KLHL24: variants seen among roughly 807,000 people sequenced by gnomAD.
KLHL24 encodes the protein kelch-like protein 24.
KLHL24 carries 29 observed loss-of-function variants against 53.4 expected under a neutral mutation model. The observed-to-expected ratio is 0.54, with a 90% CI of 0.40 to 0.74. The LOEUF (loss-of-function observed/expected upper bound fraction) is 0.74. Ranked by LOEUF, KLHL24 falls within the 30% of genes least tolerant of loss-of-function variation. The pLI, the probability that KLHL24 is intolerant of heterozygous loss-of-function variation, is 0.00. For missense variants in KLHL24, 504 were observed against 744.0 expected (o/e 0.68, Z 3.75); for synonymous variants, 222 against 253.7 (o/e 0.88, Z 1.19).
intron 4 of KLHL24, chr3:183,664,077 C>T (rs1470559859): frequency 6.6e-6 from 1 of 152,016 alleles, no homozygotes; most frequent in East Asian, 1.9e-4. Flanking sequence ...GGTGACAAAG[C>T]AAGACTCCGC....
chr3:183,656,757 T>C (rs753897525), intron 3 of KLHL24, among the ~76,000 whole-genome samples: 23 of 152,088 alleles, frequency 1.5e-4, no homozygotes, highest in South Asian at 8.3e-4. Flanking sequence ...TTCCTGACTA[T>C]TGTTTAACAA....
At position 183,682,139 on chromosome 3, in the gene KLHL24, A is replaced by G. The variant is rs750153277; in HGVS notation, c.*2853A>G. The G allele has an allele frequency of 1.3e-5, 2 of 152,132 alleles. No homozygotes were observed. The highest frequency in any genetic ancestry group is 2.9e-5 in the Non-Finnish European group (2 of 67,992). The allele number at this position is 152,132 out of a possible 1,614,324, so 9.4% of individuals were successfully genotyped here. ...ATGTATAATCAGAATCTTTATGACAATTTAGTTTTACAAGGTCAGAAGAGA... is the reference window on the plus strand; with the variant it reads ...ATGTATAATCAGAATCTTTATGACAGTTTAGTTTTACAAGGTCAGAAGAGA... On this transcript the variant is annotated 3_prime_UTR_variant, in exon 8 of 8. Transcript: ENST00000242810.
At chr3:183,657,329 G>A (rs914761356) in intron 3 of KLHL24, among the ~76,000 whole-genome samples, 2 of 152,168 alleles carry the variant, frequency 1.3e-5, no homozygotes, top group Admixed American at 6.5e-5. Flanking sequence ...AGACTCCACT[G>A]AGCAACAGAC....
rs893349245 is a variant in KLHL24, at chr3:183,650,056, A to C, written c.-61-240A>C. Reference sequence around the variant, plus strand: ...AGGTTATTAGTAACTCACGAAGTACATAGTATCCTTTCAGCTAGAAAAGGG... The same window carrying C: ...AGGTTATTAGTAACTCACGAAGTACCTAGTATCCTTTCAGCTAGAAAAGGG... On this transcript the variant is annotated intron_variant, in intron 2 of 7. Transcript: ENST00000242810. The surrounding 1 kb of genome is among the most constrained non-coding windows in gnomAD (Gnocchi z 4.5). 2.6e-5 allele frequency among the ~76,000 whole-genome samples: 4 copies of C among 152,222 alleles called. No homozygotes were observed. The highest frequency in any genetic ancestry group is 9.6e-5 in the African/African-American group (4 of 41,464).
rs555105729 is a variant in KLHL24 at position 183,639,898 on chromosome 3, T to C, written c.-124-3582T>C. ...ATATTAGCCTGGTGTGGTAGCACGC[T>C]CCTGTAATCCCAGCTACTCGGGAGG... On this transcript the variant is annotated intron_variant, in intron 1 of 7. Coordinates refer to ENST00000242810, the MANE Select transcript of KLHL24 (RefSeq NM_017644.3). Among the ~76,000 whole-genome samples the C allele has an allele frequency of 3.4e-5, 5 of 145,336 alleles. No homozygotes were observed. The East Asian group carries it at 1.1e-3, about 31-fold the overall frequency.
At chr3:183,660,454 T>C (rs1719570868) in intron 3 of KLHL24, among the ~76,000 whole-genome samples, 1 of 152,162 alleles carries the variant, frequency 6.6e-6, no homozygotes, top group South Asian at 2.1e-4. Flanking sequence ...TTGTAATCTA[T>C]TTCATAGTCT....
rs1304891100 is a variant in KLHL24, at chr3:183,682,824, A to C, written c.*3538A>C. The C allele has an allele frequency of 1.3e-5, 2 of 152,508 alleles. No homozygotes were observed. The highest frequency in any genetic ancestry group is 4.8e-5 in the African/African-American group (2 of 41,390). The allele number at this position is 152,508 out of a possible 1,614,324, so 9.4% of individuals were successfully genotyped here. On this transcript the variant is annotated 3_prime_UTR_variant, in exon 8 of 8. Coordinates refer to ENST00000242810, the MANE Select transcript of KLHL24 (RefSeq NM_017644.3). ...TCTGGATATGGCAATAGATTTTTTA[A>C]ATTGCTGTGAGAACCCATATATGAA...
chr3:183,661,697 A>G (rs1447493739), intron 3 of KLHL24, among the ~76,000 whole-genome samples: 1 of 152,198 alleles, frequency 6.6e-6, no homozygotes, highest in Non-Finnish European at 1.5e-5. Context: ...CAGATAACAT[A>G]TGTTTATTGG....
intron 3 of KLHL24, among the ~76,000 whole-genome samples, chr3:183,656,572 A>G (rs983736643): frequency 2.0e-5 from 3 of 152,206 alleles, no homozygotes; most frequent in African/African-American, 7.2e-5. Context: ...CATCTAATAA[A>G]TACTTGAGTT....
At chr3:183,645,447 TG>T (rs1717084503) in intron 2 of KLHL24, among the ~76,000 whole-genome samples, 1 of 152,224 alleles carries the variant, frequency 6.6e-6, no homozygotes, top group African/African-American at 2.4e-5. Context: ...GAGTTGTAAA[TG>T]TTAAGCTGTG....
chr3:183,641,251 T>C (rs1443462798), intron 1 of KLHL24, among the ~76,000 whole-genome samples: 1 of 152,066 alleles, frequency 6.6e-6, no homozygotes, highest in African/African-American at 2.4e-5. Context: ...TCCCAGAACT[T>C]TGGGAGGTCG....
chr3:183,654,077 T>G (rs1718513590), intron 3 of KLHL24, among the ~76,000 whole-genome samples: 1 of 152,194 alleles, frequency 6.6e-6, no homozygotes, highest in Non-Finnish European at 1.5e-5. Context: ...CTACTGAAAC[T>G]CCTCTCAATC....
At chr3:183,657,672 T>G (rs991764391) in intron 3 of KLHL24, among the ~76,000 whole-genome samples, 6 of 152,236 alleles carry the variant, frequency 3.9e-5, no homozygotes, top group Non-Finnish European at 8.8e-5. Flanking sequence ...TAGAAGTTAG[T>G]GTTCTGAATT....
chr3:183,646,983 T>TTG (rs1424132812), intron 2 of KLHL24, among the ~76,000 whole-genome samples: 1 of 150,830 alleles, frequency 6.6e-6, no homozygotes, highest in African/African-American at 2.4e-5. Context: ...CTAATTTTTT[T>TTG]TTTTTTTTTT....
intron 3 of KLHL24, among the ~76,000 whole-genome samples, chr3:183,659,140 T>TG (rs72369966): frequency 0.33 from 50,559 of 151,644 alleles, 9,219 homozygotes; most frequent in African/African-American, 0.49. Context: ...TGTAGGTTGT[T>TG]GATTTTTTTC....
rs770582961 is a variant in KLHL24 at position 183,679,071 on chromosome 3, T to C, written c.1603-15T>C. 1.9e-6 allele frequency: 3 copies of C among 1,599,152 alleles called. No individual in the cohort carries two copies. The highest frequency in any genetic ancestry group is 4.5e-5 in the East Asian group (2 of 44,804). ...TTCAATGGTTAATTTTTTGTTTATA[T>C]ATTTGGTTAAACAGGAAAACTGTGG... On this transcript the variant is annotated splice_polypyrimidine_tract_variant and intron_variant, in intron 7 of 7. Coordinates refer to ENST00000242810, the MANE Select transcript of KLHL24 (RefSeq NM_017644.3).
chr3:183,672,170 C>A (rs558562222), intron 6 of KLHL24, 126 bp from the exon 7 acceptor site: 2 of 499,976 alleles, frequency 4.0e-6, no homozygotes, highest in East Asian at 6.4e-5. Context: ...AGGCTAACCT[C>A]TCTTAATTCT....
At position 183,639,358 on chromosome 3, in the gene KLHL24, C is replaced by T. The variant is rs538119624; in HGVS notation, c.-125+3565C>T. ...TAGATCTCAAATTTGTGGCCGGGCG[C>T]GGTGGCTCACGCCTGTAATCCCAGC... On this transcript the variant is annotated intron_variant, in intron 1 of 7. Coordinates refer to ENST00000242810, the MANE Select transcript of KLHL24 (RefSeq NM_017644.3). Among the ~76,000 whole-genome samples, 5 of 152,036 alleles carry T rather than the reference C, an allele frequency of 3.3e-5. No individual in the cohort carries two copies. The South Asian group carries it at 6.2e-4, about 19-fold the overall frequency.
intron 3 of KLHL24, among the ~76,000 whole-genome samples, chr3:183,658,446 A>G (rs1238738332): frequency 6.6e-6 from 1 of 152,126 alleles, no homozygotes; most frequent in Non-Finnish European, 1.5e-5. Flanking sequence ...GATATACCAT[A>G]ATTTATTTTA....
Sources: allele counts gnomAD v4.1 joint callset (sites outside exome capture counted in the v4.1 genomes callset), GRCh38; gene constraint gnomAD v4.1.1; non-coding constraint Gnocchi (gnomAD v3.1); transcripts MANE v1.5; gene names NCBI Gene and HGNC (gene_info 2026-07-23, HGNC 2026-07-21).